Variants in MEIOB observed in about 807,000 individuals in gnomAD.
The protein encoded by MEIOB is meiosis-specific with OB domain-containing protein.
In MEIOB, 50 loss-of-function variants were observed where a neutral mutation model predicts 53.1. The observed-to-expected ratio is 0.94, with a 90% CI of 0.75 to 1.19. The LOEUF is 1.19. Ranked by LOEUF, MEIOB falls within the 50% of genes most tolerant of loss-of-function variation. The pLI, the probability that MEIOB is intolerant of heterozygous loss-of-function variation, is 0.00. For synonymous variants in MEIOB, 192 were observed against 182.5 expected (o/e 1.05, Z -0.42); for missense variants, 551 against 550.8 (o/e 1.00, Z 0.00).
At chr16:1,848,933 G>C (rs1409838202) in intron 9 of MEIOB, among the ~76,000 whole-genome samples, 1 of 152,096 alleles carries the variant, frequency 6.6e-6, no homozygotes, top group East Asian at 1.9e-4. Flanking sequence ...TCTACACATG[G>C]GAATAGCACT....
In MEIOB at chr16:1,867,520, G is replaced by T. The variant is rs1444091573; in HGVS notation, c.69+587C>A. Among the ~76,000 whole-genome samples, 4 of 141,430 alleles carry T rather than the reference G, an allele frequency of 2.8e-5. 2 individuals carry two copies. Among genetic ancestry groups the T allele is most frequent in the South Asian group, 4.4e-4 (2 of 4,544 alleles). 92.8% of individuals were successfully genotyped at this position (141,430 alleles called of 152,430 possible). ...AGAAGAGTTTTGCTCTTGTTGCCCAGGCTGGAGTGCAATGGTGCGATCTCG... is the reference window on the plus strand; with the variant it reads ...AGAAGAGTTTTGCTCTTGTTGCCCATGCTGGAGTGCAATGGTGCGATCTCG... On this transcript the variant is annotated intron_variant, in intron 2 of 13. Coordinates refer to ENST00000325962, the MANE Select transcript of MEIOB (RefSeq NM_001163560.3).
chr16:1,870,306 G>C (rs546748445), intron 1 of MEIOB, among the ~76,000 whole-genome samples: 1 of 152,302 alleles, frequency 6.6e-6, no homozygotes, highest in East Asian at 1.9e-4. Context: ...ATGGTGGTTT[G>C]TCCCTCAACA....
At position 1,839,434 on chromosome 16, in the gene MEIOB, T is replaced by C; in HGVS notation, c.1039A>G (p.Ser347Gly). ...TTKVVRNRCS[S>G]CGYIVNEASN... is the part of the protein sequence containing the mutation. ...GCTTCATTTACAATATAACCACAGC[T>C]GGAACTGAAAAGAAACAAAGACAAT... The change falls in exon 12 of 14, where the codon AGC becomes GGC. Residue 347 changes from serine to glycine, a missense_variant. Coordinates refer to ENST00000325962, the MANE Select transcript of MEIOB (RefSeq NM_001163560.3). 6.2e-7 allele frequency: 1 copy of C among 1,605,950 alleles called. No homozygotes were observed.
At chr16:1,854,886 C>T (rs1175318628) in intron 6 of MEIOB, among the ~76,000 whole-genome samples, 3 of 152,036 alleles carry the variant, frequency 2.0e-5, no homozygotes, top group Non-Finnish European at 4.4e-5. Context: ...CACCCAGTGG[C>T]TTCTCATGTG....
intron 5 of MEIOB, among the ~76,000 whole-genome samples, chr16:1,859,872 C>T (rs867287668): frequency 1.3e-5 from 2 of 152,274 alleles, no homozygotes; most frequent in Middle Eastern, 6.8e-3. Flanking sequence ...ACAGCCAGGG[C>T]ACTGCTCTAA....
intron 4 of MEIOB, among the ~76,000 whole-genome samples, chr16:1,861,535 CTTTTTTTTTTT>C (rs59561016): frequency 1.0e-4 from 9 of 89,126 alleles, no homozygotes; most frequent in Admixed American, 2.8e-4. Flanking sequence ...GCATTGCAGT[CTTTTTTTTTTT>C]TTTTTTTTTT....
chr16:1,853,527 C>A (rs1899223529), intron 7 of MEIOB, among the ~76,000 whole-genome samples: 1 of 152,214 alleles, frequency 6.6e-6, no homozygotes, highest in Non-Finnish European at 1.5e-5. Flanking sequence ...ATTTTTCCAA[C>A]ACTTAATCAC....
At chr16:1,864,477 TTTTTC>T (rs1282347554) in intron 3 of MEIOB, among the ~76,000 whole-genome samples, 2 of 126,530 alleles carry the variant, frequency 1.6e-5, no homozygotes. Flanking sequence ...TGTGAATTTC[TTTTTC>T]TTTTCTTTTT....
At chr16:1,849,122 G>A (rs1248988060) in intron 9 of MEIOB, among the ~76,000 whole-genome samples, 5 of 151,348 alleles carry the variant, frequency 3.3e-5, no homozygotes, top group East Asian at 2.0e-4. Context: ...CCGTCTCTAC[G>A]AAAAGTACAA....
intron 9 of MEIOB, among the ~76,000 whole-genome samples, chr16:1,850,508 G>A (rs1182491917): frequency 1.3e-5 from 2 of 151,860 alleles, no homozygotes; most frequent in East Asian, 1.9e-4. Flanking sequence ...CCCAGGAGGC[G>A]GAGGCTGCAG....
intron 9 of MEIOB, among the ~76,000 whole-genome samples, chr16:1,851,938 G>A (rs891029790): frequency 1.3e-5 from 2 of 152,134 alleles, no homozygotes; most frequent in Middle Eastern, 3.2e-3. Context: ...AGCACCCTGG[G>A]AATGCTCACA....
At chr16:1,866,461 G>A (rs533937486) in intron 2 of MEIOB, among the ~76,000 whole-genome samples, 11 of 152,116 alleles carry the variant, frequency 7.2e-5, no homozygotes, top group Admixed American at 2.0e-4. Context: ...TGGCTCACAC[G>A]TGTAATCCCA....
intron 6 of MEIOB, among the ~76,000 whole-genome samples, chr16:1,855,277 C>T (rs5006373): frequency 0.83 from 125,249 of 151,730 alleles, 51,822 homozygotes; most frequent in Middle Eastern, 0.9. Flanking sequence ...ACTAAAAATA[C>T]AAAAATTAGC....
intron 9 of MEIOB, among the ~76,000 whole-genome samples, chr16:1,845,635 T>C (rs1363734385): frequency 6.6e-6 from 1 of 152,188 alleles, no homozygotes; most frequent in African/African-American, 2.4e-5. Flanking sequence ...TATGTTTCTA[T>C]ATATTTTTTC....
rs1244295103 is a variant in MEIOB, at chr16:1,865,831, A to G, written c.74T>C (p.Val25Ala). ...DLQTNMANLK[V>A]IGIVIGKTDV... ...TGTTTTCCCAATAACTATACCGATA[A>G]CTTTCTGAAAAACAAAAAGGTCACA... is the stretch of plus-strand genomic sequence containing the variant. The change falls in exon 3 of 14, where the codon GTT becomes GCT. Residue 25 changes from valine to alanine, a missense_variant. Val to Ala is a moderately conservative substitution (Grantham distance 64). Transcript: ENST00000325962. 6.5e-7 allele frequency: 1 copy of G among 1,545,024 alleles called. No homozygotes were observed. Among genetic ancestry groups the G allele is most frequent in the African/African-American group, 1.4e-5 (1 of 72,660 alleles).
intron 9 of MEIOB, among the ~76,000 whole-genome samples, chr16:1,849,396 A>G (rs1014864081): frequency 6.6e-6 from 1 of 152,066 alleles, no homozygotes; most frequent in Non-Finnish European, 1.5e-5. Flanking sequence ...ATACAAAAAA[A>G]TTAGCTGGGT....
intron 9 of MEIOB, among the ~76,000 whole-genome samples, chr16:1,846,650 G>A (rs1487366562): frequency 2.0e-5 from 3 of 152,190 alleles, no homozygotes; most frequent in African/African-American, 4.8e-5. Flanking sequence ...GTCCTTTGCA[G>A]AGACATGGAT....
intron 10 of MEIOB, among the ~76,000 whole-genome samples, chr16:1,842,577 G>A (rs1459936694): frequency 7.8e-6 from 1 of 128,708 alleles, no homozygotes; most frequent in East Asian, 2.6e-4. Context: ...GAGCCAAGAT[G>A]GCGCCATTGC....
At chr16:1,867,461 A>C (rs112054707) in intron 2 of MEIOB, among the ~76,000 whole-genome samples, 5 of 123,072 alleles carry the variant, frequency 4.1e-5, no homozygotes, top group African/African-American at 1.6e-4. Context: ...AAAATGGTTT[A>C]ATTTTTTTTT....
Sources: allele counts gnomAD v4.1 joint callset (sites outside exome capture counted in the v4.1 genomes callset), GRCh38; gene constraint gnomAD v4.1.1; transcripts MANE v1.5; gene names NCBI Gene and HGNC (gene_info 2026-07-23, HGNC 2026-07-21).